Variants in PTPRN2 observed in about 807,000 individuals in gnomAD.
The protein encoded by PTPRN2 is receptor-type tyrosine-protein phosphatase N2.
PTPRN2 carries 74 observed loss-of-function variants against 118.8 expected under a neutral mutation model. The ratio of observed to expected loss-of-function variants is 0.62; its 90% CI spans 0.52 to 0.76. PTPRN2 has a LOEUF of 0.76. PTPRN2 is among the 30% of genes least tolerant of loss of function. The pLI is 0.00. For missense variants in PTPRN2, 1,481 were observed against 1,394.4 expected (o/e 1.06, Z -0.99); for synonymous variants, 641 against 608.0 (o/e 1.05, Z -0.80).
intron 12 of PTPRN2, among the ~76,000 whole-genome samples, chr7:157,773,957 T>C (rs1803038541): frequency 6.6e-6 from 1 of 152,226 alleles, no homozygotes. Context: ...CTCACTTCAT[T>C]CCAGAAAGAT....
intron 11 of PTPRN2, among the ~76,000 whole-genome samples, chr7:158,071,514 G>T (rs548898243): frequency 7.7e-6 from 1 of 129,988 alleles, no homozygotes; most frequent in Non-Finnish European, 1.6e-5. Context: ...GGAGATGCTC[G>T]TGGTGGTGGA....
intron 11 of PTPRN2, among the ~76,000 whole-genome samples, chr7:158,007,593 C>T (rs1472776375): frequency 2.0e-5 from 3 of 152,104 alleles, no homozygotes; most frequent in South Asian, 2.1e-4. Context: ...GTGGAGGAAG[C>T]GCCAGGTGCA....
intron 11 of PTPRN2, among the ~76,000 whole-genome samples, chr7:158,017,121 G>A (rs1471536622): frequency 6.6e-6 from 1 of 152,204 alleles, no homozygotes; most frequent in Non-Finnish European, 1.5e-5. Context: ...AGGGCCCAGT[G>A]GTGCTTCTTG....
chr7:158,584,224 G>T (rs1031210718), intron 1 of PTPRN2, among the ~76,000 whole-genome samples: 1 of 152,154 alleles, frequency 6.6e-6, no homozygotes, highest in Non-Finnish European at 1.5e-5. Context: ...GGAAGGGGGG[G>T]CCTTTATAAA....
At position 157,622,317 on chromosome 7, in the gene PTPRN2, G is replaced by A. The variant is rs1033960416; in HGVS notation, c.2197-808C>T. On this transcript the variant is annotated intron_variant, in intron 14 of 22. Coordinates refer to ENST00000389418, the MANE Select transcript of PTPRN2 (RefSeq NM_002847.5). This position sits in a 1 kb window ranked among gnomAD's most constrained non-coding sequence, Gnocchi z 5.3. ...ATGTGTAGACACAGGTTCCAAGTGT[G>A]TCCACACGAGAAAATAAAGCATGCA... 8.6e-5 allele frequency among the ~76,000 whole-genome samples: 13 copies of A among 151,958 alleles called. No homozygotes were observed. Among genetic ancestry groups the A allele is most frequent in the African/African-American group, 2.9e-4 (12 of 41,350 alleles).
chr7:157,628,633 T>A (rs1199648027), intron 14 of PTPRN2, among the ~76,000 whole-genome samples: 1 of 152,204 alleles, frequency 6.6e-6, no homozygotes, highest in Non-Finnish European at 1.5e-5. Flanking sequence ...AACCTGGTCA[T>A]CACAGCTCAC....
At chr7:157,850,142 C>G (rs910353115) in intron 12 of PTPRN2, among the ~76,000 whole-genome samples, 2 of 152,208 alleles carry the variant, frequency 1.3e-5, no homozygotes, top group African/African-American at 4.8e-5. Flanking sequence ...CTCAGGTTAT[C>G]CCCTCTCCAC....
chr7:158,141,081 G>T (rs1819341296), intron 6 of PTPRN2, among the ~76,000 whole-genome samples: 1 of 152,032 alleles, frequency 6.6e-6, no homozygotes, highest in Non-Finnish European at 1.5e-5. Context: ...CACGCTAGAG[G>T]GGTCTCACCA....
In PTPRN2 at chr7:158,363,072, A is replaced by AG. The variant is rs61256253; in HGVS notation, c.164-46141dup. Among the ~76,000 whole-genome samples the AG allele has an allele frequency of 7.0e-3, 1,072 of 152,266 alleles. 10 individuals are homozygous for AG. The highest frequency in any genetic ancestry group is 0.025 in the African/African-American group (1,020 of 41,538). Reference sequence around the variant, plus strand: ...ATTATGCACCGCGCGTCATGAGCCGAGGGGGACAGGACCCGTGGAGCACCA... The same window carrying AG: ...ATTATGCACCGCGCGTCATGAGCCGAGGGGGGACAGGACCCGTGGAGCACCA... On this transcript the variant is annotated intron_variant, in intron 2 of 22. Coordinates refer to ENST00000389418, the MANE Select transcript of PTPRN2 (RefSeq NM_002847.5).
rs1436061387 is a variant in PTPRN2 at position 157,674,317 on chromosome 7, T to A, written c.2001+8408A>T. Among the ~76,000 whole-genome samples the A allele has an allele frequency of 6.6e-6, 1 of 152,128 alleles. No individual in the cohort carries two copies. ...CCCCAGGAGGCGAGGGTGGGGGGAC[T>A]CCTGCTGGAGGCGGCCGGCAGATCA... On this transcript the variant is annotated intron_variant, in intron 13 of 22. Coordinates refer to ENST00000389418, the MANE Select transcript of PTPRN2 (RefSeq NM_002847.5). This position sits in a 1 kb window ranked among gnomAD's most constrained non-coding sequence, Gnocchi z 4.5.
chr7:157,960,636 G>A (rs144666570), intron 11 of PTPRN2, among the ~76,000 whole-genome samples: 96 of 152,288 alleles, frequency 6.3e-4, no homozygotes, highest in African/African-American at 2.0e-3. Context: ...TTATTCATCC[G>A]TTAAAATGAT....
At chr7:158,441,772 A>AGTG (rs796717160) in intron 2 of PTPRN2, among the ~76,000 whole-genome samples, 1 of 48,400 alleles carries the variant, frequency 2.1e-5, no homozygotes. Context: ...TGGTCATGGC[A>AGTG]GTGGTGGTGA....
chr7:158,433,535 C>T (rs1049990690), intron 2 of PTPRN2, among the ~76,000 whole-genome samples: 2 of 152,170 alleles, frequency 1.3e-5, no homozygotes, highest in African/African-American at 2.4e-5. Context: ...GCTGATGATA[C>T]GGATTGATAG....
intron 10 of PTPRN2, among the ~76,000 whole-genome samples, chr7:158,085,528 C>T (rs1303376558): frequency 1.5e-5 from 2 of 132,980 alleles, no homozygotes; most frequent in Non-Finnish European, 3.2e-5. Context: ...CACAGATGCC[C>T]ATCCACACCC....
intron 11 of PTPRN2, among the ~76,000 whole-genome samples, chr7:157,926,863 G>T (rs1799023284): frequency 6.6e-6 from 1 of 152,130 alleles, no homozygotes; most frequent in African/African-American, 2.4e-5. Flanking sequence ...TGTGGCTGCA[G>T]GGATCCTGAC....
chr7:157,875,028 C>T (rs955747507), intron 12 of PTPRN2, among the ~76,000 whole-genome samples: 5 of 151,808 alleles, frequency 3.3e-5, no homozygotes, highest in African/African-American at 4.8e-5. Flanking sequence ...CACAGACACA[C>T]GCAGACACAC....
intron 2 of PTPRN2, among the ~76,000 whole-genome samples, chr7:158,457,344 G>A (rs562077962): frequency 1.9e-4 from 29 of 152,300 alleles, no homozygotes; most frequent in African/African-American, 5.5e-4. Flanking sequence ...TCAGCATCTC[G>A]GGTGCAATGT....
At chr7:158,445,501 G>T (rs1817656316) in intron 2 of PTPRN2, among the ~76,000 whole-genome samples, 1 of 152,182 alleles carries the variant, frequency 6.6e-6, no homozygotes, top group Non-Finnish European at 1.5e-5. Flanking sequence ...CCGGACCAGT[G>T]ACCCCGCGGC....
chr7:158,108,800 C>T (rs1357854644), intron 10 of PTPRN2, among the ~76,000 whole-genome samples: 3 of 152,248 alleles, frequency 2.0e-5, no homozygotes, highest in African/African-American at 7.2e-5. Context: ...AGAATTGAGG[C>T]AGGGCCCATG....
Sources: allele counts gnomAD v4.1 joint callset (sites outside exome capture counted in the v4.1 genomes callset), GRCh38; gene constraint gnomAD v4.1.1; non-coding constraint Gnocchi (gnomAD v3.1); transcripts MANE v1.5; gene names NCBI Gene and HGNC (gene_info 2026-07-23, HGNC 2026-07-21).